The following ZNF2 variants were observed in gnomAD, a reference collection of about 807,000 sequenced individuals.
The protein encoded by ZNF2 is zinc finger protein 2.2.
Under a neutral mutation model 21.9 loss-of-function variants are expected in ZNF2, and 12 were observed. That is an observed-to-expected ratio of 0.55 (90% CI 0.35 to 0.89). The LOEUF (loss-of-function observed/expected upper bound fraction) is 0.89. Ranked by LOEUF, ZNF2 falls within the 40% of genes least tolerant of loss-of-function variation. The probability of loss-of-function intolerance (pLI) is 0.01; values close to 1 mark genes in which losing one functional copy is unlikely to be tolerated. For missense variants in ZNF2, 462 were observed against 544.2 expected (o/e 0.85, Z 1.50); for synonymous variants, 186 against 196.3 (o/e 0.95, Z 0.44).
intron 4 of ZNF2, 71 bp from the exon 5 acceptor site, chr2:95,181,032 G>A (rs565456792): frequency 1.2e-5 from 19 of 1,534,686 alleles, no homozygotes; most frequent in African/African-American, 2.8e-5. Context: ...CAGACTCATC[G>A]GAGCATCTCT....
rs370936583 is a variant in ZNF2 at position 95,180,289 on chromosome 2, A to G, written c.274+17A>G. The G allele has an allele frequency of 2.3e-5, 36 of 1,554,858 alleles. No individual in the cohort carries two copies. The highest frequency in any genetic ancestry group is 3.1e-5 in the Non-Finnish European group (35 of 1,133,662). ...TCTCTCTAGGTAACTGAGTGTGAACAAGACAGAATGGAATTTTGTTTGGCT... is the reference window on the plus strand; with the variant it reads ...TCTCTCTAGGTAACTGAGTGTGAACGAGACAGAATGGAATTTTGTTTGGCT... On this transcript the variant is annotated intron_variant, in intron 4 of 4. Coordinates refer to ENST00000614034, the MANE Select transcript of ZNF2 (RefSeq NM_021088.4).
intron 1 of ZNF2, among the ~76,000 whole-genome samples, chr2:95,173,794 C>T (rs1489663400): frequency 3.3e-5 from 5 of 152,178 alleles, no homozygotes; most frequent in South Asian, 2.1e-4. Context: ...CTGCAACCTC[C>T]GCCTCCCAGG....
intron 1 of ZNF2, among the ~76,000 whole-genome samples, chr2:95,172,643 T>G (rs551706381): frequency 6.6e-6 from 1 of 151,608 alleles, no homozygotes; most frequent in South Asian, 2.1e-4. Flanking sequence ...TTGTGGTTTT[T>G]TTTTTTTTTT....
intron 3 of ZNF2, among the ~76,000 whole-genome samples, chr2:95,178,277 C>T (rs1674516369): frequency 6.6e-6 from 1 of 152,024 alleles, no homozygotes; most frequent in African/African-American, 2.4e-5. Flanking sequence ...TGAGAGAGTG[C>T]CCAGATTGAG....
intron 1 of ZNF2, among the ~76,000 whole-genome samples, chr2:95,175,282 A>G (rs1674402553): frequency 1.3e-5 from 2 of 152,302 alleles, no homozygotes; most frequent in African/African-American, 4.8e-5. Flanking sequence ...TTAGAGTATT[A>G]TGGCAATCTA....
At chr2:95,169,699 G>A (rs564020394) in intron 1 of ZNF2, among the ~76,000 whole-genome samples, 51 of 152,220 alleles carry the variant, frequency 3.4e-4, no homozygotes, top group Middle Eastern at 6.8e-3. Flanking sequence ...GCAGTGAGCC[G>A]AGATAATGTC....
At position 95,181,427 on chromosome 2, in the gene ZNF2, C is replaced by T; in HGVS notation, c.599C>T (p.Pro200Leu). ...RHQRTHTGEK[P>L]YDCRECGKAF... ...CAGAGGACTCACACTGGGGAGAAGC[C>T]CTACGACTGCCGCGAGTGTGGGAAA... Residue 200 changes from proline to leucine, a missense_variant, in exon 5 of 5, where the codon CCC becomes CTC. Physicochemically the swap from Pro to Leu is moderately conservative, Grantham distance 98. Transcript: ENST00000614034. The T allele has an allele frequency of 1.9e-6, 3 of 1,614,152 alleles. No individual in the cohort carries two copies. Among genetic ancestry groups the T allele is most frequent in the Non-Finnish European group, 2.5e-6 (3 of 1,180,008 alleles).
chr2:95,171,788 A>G (rs1558711317), intron 1 of ZNF2, among the ~76,000 whole-genome samples: 1 of 151,902 alleles, frequency 6.6e-6, no homozygotes, highest in East Asian at 1.9e-4. Context: ...TCAATGGTCT[A>G]CTCACCTCCA....
intron 1 of ZNF2, among the ~76,000 whole-genome samples, chr2:95,169,863 A>G (rs1225665339): frequency 6.6e-6 from 1 of 152,220 alleles, no homozygotes; most frequent in East Asian, 1.9e-4. Flanking sequence ...TACTAACTTT[A>G]CTTAGCACAT....
At position 95,181,490 on chromosome 2, in the gene ZNF2, T is replaced by G. The variant is rs1674649332; in HGVS notation, c.662T>G (p.Met221Arg). 3.1e-6 allele frequency: 5 copies of G among 1,614,118 alleles called. No homozygotes were observed. The highest frequency in any genetic ancestry group is 4.2e-6 in the Non-Finnish European group (5 of 1,180,020). The change falls in exon 5 of 5, where the codon ATG (methionine) becomes AGG (arginine). Residue 221 changes from methionine to arginine, a missense_variant. Met to Arg is a moderately conservative substitution (Grantham distance 91, BLOSUM62 -1). Transcript: ENST00000614034. The part of the protein sequence containing the change: ...SHRSSLSRHL[M>R]SHTGESPYEC... ...AGGAGCAGCCTCAGCAGACATCTGA[T>G]GTCACACACTGGGGAGAGCCCCTAC...
chr2:95,181,810 C>T lies in ZNF2; in HGVS notation c.982C>T (p.Leu328=), dbSNP rs768357827. ...CGKAFYGVSS[L]NRHQKAHAGD... ...GAAAGCTTTCTATGGTGTCTCGTCT[C>T]TGAATAGACATCAGAAAGCTCATGC... Residue 328 remains leucine (L), a synonymous_variant, in exon 5 of 5, where the codon CTG becomes TTG. Coordinates refer to ENST00000614034, the MANE Select transcript of ZNF2 (RefSeq NM_021088.4). The T allele has an allele frequency of 1.9e-6, 3 of 1,614,230 alleles. No individual in the cohort carries two copies. Among genetic ancestry groups the T allele is most frequent in the East Asian group, 4.5e-5 (2 of 44,876 alleles).
At chr2:95,168,580 C>T (rs1674166041) in intron 1 of ZNF2, among the ~76,000 whole-genome samples, 1 of 152,200 alleles carries the variant, frequency 6.6e-6, no homozygotes. Flanking sequence ...TGCCCTAGCA[C>T]ATAACAGCTA....
Position 95,182,348 on chromosome 2 carries a change from GT to G in ZNF2, c.*244del. ...AGGTTTGTCAGACAATAGGATAGATGTTAGGAGGAGACACACCTCTTGTCTG... is the reference window on the plus strand; with the variant it reads ...AGGTTTGTCAGACAATAGGATAGATGTAGGAGGAGACACACCTCTTGTCTG... On this transcript the variant is annotated 3_prime_UTR_variant, in exon 5 of 5. Coordinates refer to ENST00000614034, the MANE Select transcript of ZNF2 (RefSeq NM_021088.4). The G allele has an allele frequency of 2.2e-6, 1 of 455,106 alleles. No individual in the cohort carries two copies. The highest frequency in any genetic ancestry group is 3.9e-5 in the Admixed American group (1 of 25,450). 28.2% of individuals were successfully genotyped at this position (455,106 alleles called of 1,614,324 possible). A position where few individuals can be genotyped will look rare whatever the true frequency, so the allele number is the denominator to read the frequency against.
chr2:95,181,879 T>G lies in ZNF2; in HGVS notation c.1051T>G (p.Phe351Val). ...GTGTAACGAGTGTGGCAAAGCTTTCTTTGACCGCTCATCCCTTACACAGCA... is the reference window on the plus strand; with the variant it reads ...GTGTAACGAGTGTGGCAAAGCTTTCGTTGACCGCTCATCCCTTACACAGCA... ...YQCNECGKAFFDRSSLTQHQK... is the reference protein window; with the variant it reads ...YQCNECGKAFVDRSSLTQHQK... The change falls in exon 5 of 5, where the codon TTT becomes GTT. Residue 351 changes from phenylalanine to valine, a missense_variant. Transcript: ENST00000614034. The G allele has an allele frequency of 1.2e-6, 2 of 1,614,228 alleles. No individual in the cohort carries two copies. The highest frequency in any genetic ancestry group is 1.7e-6 in the Non-Finnish European group (2 of 1,180,036).
intron 1 of ZNF2, among the ~76,000 whole-genome samples, chr2:95,175,241 G>GCT (rs1200231705): frequency 6.6e-6 from 1 of 152,158 alleles, no homozygotes; most frequent in African/African-American, 2.4e-5. Flanking sequence ...AAGGGAATTA[G>GCT]TGATAAGATC....
chr2:95,182,337 A>G lies in ZNF2; in HGVS notation c.*231A>G, dbSNP rs1382815494. 2 of 515,414 alleles carry G rather than the reference A, an allele frequency of 3.9e-6. No individual in the cohort carries two copies. The highest frequency in any genetic ancestry group is 3.8e-5 in the African/African-American group (2 of 52,604). The allele number at this position is 515,414 out of a possible 1,614,324, so 31.9% of individuals were successfully genotyped here. On this transcript the variant is annotated 3_prime_UTR_variant, in exon 5 of 5. Transcript: ENST00000614034. Reference sequence around the variant, plus strand: ...AAATTTTGAAGAGGTTTGTCAGACAATAGGATAGATGTTAGGAGGAGACAC... The same window carrying G: ...AAATTTTGAAGAGGTTTGTCAGACAGTAGGATAGATGTTAGGAGGAGACAC...
intron 2 of ZNF2, 21 bp downstream of exon 2, chr2:95,176,280 C>T (rs1444106789): frequency 1.2e-6 from 2 of 1,613,978 alleles, no homozygotes; most frequent in African/African-American, 2.7e-5. Context: ...CTTTTGTGTT[C>T]CCGAAATACT....
rs140925899 is a variant in ZNF2 at position 95,177,064 on chromosome 2, A to G, written c.34-419A>G. Among the ~76,000 whole-genome samples the G allele has an allele frequency of 5.9e-5, 9 of 152,362 alleles. No individual in the cohort carries two copies. In the East Asian group the frequency reaches 1.3e-3, roughly 23 times the overall value. Reference sequence around the variant, plus strand: ...TTGTTTTTACAAAATACACACTGAAATATTTAGGATTAAAGACACATGATG... The same window carrying G: ...TTGTTTTTACAAAATACACACTGAAGTATTTAGGATTAAAGACACATGATG... On this transcript the variant is annotated intron_variant, in intron 2 of 4. Transcript: ENST00000614034.
At chr2:95,178,880 T>A (rs1465118610) in intron 3 of ZNF2, among the ~76,000 whole-genome samples, 2 of 152,136 alleles carry the variant, frequency 1.3e-5, no homozygotes, top group Non-Finnish European at 2.9e-5. Flanking sequence ...GCCATTACAA[T>A]GGTGAGGTAG....
Sources: gnomAD v4.1 joint callset for allele counts (sites outside exome capture counted in the v4.1 genomes callset) on GRCh38, gnomAD v4.1.1 for gene constraint, MANE v1.5 for transcripts, NCBI Gene and HGNC (gene_info 2026-07-23, HGNC 2026-07-21) for gene names.